GLRA3: variants seen among roughly 807,000 people sequenced by gnomAD.
The protein encoded by GLRA3 is glycine receptor subunit alpha-3.
GLRA3 carries 44 observed loss-of-function variants against 60.4 expected under a neutral mutation model. The ratio of observed to expected loss-of-function variants is 0.73; its 90% CI spans 0.57 to 0.94. The LOEUF (loss-of-function observed/expected upper bound fraction) is 0.94. Among genes scored for constraint, GLRA3 ranks in the 40% least tolerant of loss-of-function variants. GLRA3 has a pLI of 0.00. For synonymous variants in GLRA3, 223 were observed against 192.9 expected (o/e 1.16, Z -1.29); for missense variants, 508 against 564.6 (o/e 0.90, Z 1.02).
chr4:174,767,295 G>C (rs1356894520), intron 2 of GLRA3, among the ~76,000 whole-genome samples: 1 of 152,038 alleles, frequency 6.6e-6, no homozygotes, highest in Admixed American at 6.6e-5. Flanking sequence ...TAATGGCTCT[G>C]TAATGCCTGA....
chr4:174,746,339 TCAGCAA>T (rs1287713532), intron 3 of GLRA3, among the ~76,000 whole-genome samples: 4 of 152,134 alleles, frequency 2.6e-5, no homozygotes, highest in Non-Finnish European at 4.4e-5. Flanking sequence ...AATTTCATTC[TCAGCAA>T]CATGGAAAGA....
intron 1 of GLRA3, among the ~76,000 whole-genome samples, chr4:174,828,098 A>G (rs1220770078): frequency 1.3e-5 from 2 of 152,156 alleles, no homozygotes; most frequent in African/African-American, 4.8e-5. Flanking sequence ...TAAGAAAATG[A>G]CATGTCATAG....
intron 5 of GLRA3, among the ~76,000 whole-genome samples, chr4:174,710,864 T>C (rs111400599): frequency 5.9e-5 from 9 of 152,198 alleles, no homozygotes; most frequent in African/African-American, 1.4e-4. Flanking sequence ...TTAGGGGTTT[T>C]TGTGATTCTT....
rs1732697521 is a variant in GLRA3 at position 174,643,727 on chromosome 4, C to T, written c.*59G>A. On this transcript the variant is annotated 3_prime_UTR_variant, in exon 10 of 10. Transcript: ENST00000274093. ...ACACGCACACATATACACATACACA[C>T]CTATGGCAGAGACACTTTCTTCTGA... 6.4e-7 allele frequency: 1 copy of T among 1,573,084 alleles called. No individual in the cohort carries two copies. Among genetic ancestry groups the T allele is most frequent in the South Asian group, 1.2e-5 (1 of 83,446 alleles).
chr4:174,768,447 C>G (rs1164122262), intron 2 of GLRA3, among the ~76,000 whole-genome samples: 1 of 152,034 alleles, frequency 6.6e-6, no homozygotes, highest in Admixed American at 6.6e-5. Context: ...CTTATTAATG[C>G]CCGACTTAGT....
At chr4:174,735,939 G>A (rs946436635) in intron 3 of GLRA3, among the ~76,000 whole-genome samples, 2 of 152,076 alleles carry the variant, frequency 1.3e-5, no homozygotes, top group Non-Finnish European at 2.9e-5. Flanking sequence ...AACATATGAC[G>A]TGGCTCCTAA....
intron 1 of GLRA3, among the ~76,000 whole-genome samples, chr4:174,790,846 A>G (rs957408444): frequency 3.4e-4 from 50 of 145,068 alleles, no homozygotes; most frequent in Admixed American, 6.9e-5. Context: ...AAAAAAAAAA[A>G]GAAAGAAATT....
intron 3 of GLRA3, among the ~76,000 whole-genome samples, chr4:174,751,157 AT>A (rs1350820734): frequency 2.0e-5 from 3 of 151,770 alleles, no homozygotes; most frequent in Non-Finnish European, 4.4e-5. Context: ...ATCTATCTAC[AT>A]TTTTTAGTAA....
chr4:174,690,476 T>A (rs1195136248), intron 5 of GLRA3, among the ~76,000 whole-genome samples: 1 of 152,162 alleles, frequency 6.6e-6, no homozygotes, highest in African/African-American at 2.4e-5. Context: ...TTTTGTTGTG[T>A]AGTTTTTGTT....
chr4:174,653,521 G>T (rs1366358419), intron 9 of GLRA3, among the ~76,000 whole-genome samples: 1 of 151,862 alleles, frequency 6.6e-6, no homozygotes, highest in African/African-American at 2.4e-5. Context: ...AATTAGCCAA[G>T]TATACACTTG....
At chr4:174,728,130 T>C (rs1355652100) in intron 4 of GLRA3, among the ~76,000 whole-genome samples, 1 of 152,208 alleles carries the variant, frequency 6.6e-6, no homozygotes, top group Non-Finnish European at 1.5e-5. Context: ...AACCTGTAAA[T>C]ATTTAAAGAA....
chr4:174,817,845 G>C (rs1362609343), intron 1 of GLRA3, among the ~76,000 whole-genome samples: 3 of 152,054 alleles, frequency 2.0e-5, no homozygotes, highest in Non-Finnish European at 2.9e-5. Flanking sequence ...GACCTCTAAT[G>C]ATCCACCCAC....
intron 3 of GLRA3, among the ~76,000 whole-genome samples, chr4:174,762,266 T>C (rs1420663615): frequency 6.6e-6 from 1 of 152,152 alleles, no homozygotes; most frequent in East Asian, 1.9e-4. Context: ...TGGAAATTTC[T>C]TTCTTGCTTC....
chr4:174,675,422 A>G (rs1734079039), intron 7 of GLRA3, among the ~76,000 whole-genome samples: 1 of 151,994 alleles, frequency 6.6e-6, no homozygotes, highest in Non-Finnish European at 1.5e-5. Context: ...TGCTCCCCCA[A>G]TTCTACCTTA....
chr4:174,672,671 C>T (rs1733954877), intron 7 of GLRA3, among the ~76,000 whole-genome samples: 1 of 152,090 alleles, frequency 6.6e-6, no homozygotes, highest in African/African-American at 2.4e-5. Context: ...CAGCCAATCT[C>T]AGGGCAAGCG....
chr4:174,799,077 G>T (rs1014118582), intron 1 of GLRA3, among the ~76,000 whole-genome samples: 2 of 152,176 alleles, frequency 1.3e-5, no homozygotes, highest in African/African-American at 4.8e-5. Flanking sequence ...TCTACCTGCA[G>T]TTGAATAAGG....
rs1305844760 is a variant in GLRA3, at chr4:174,807,290, C to T, written c.72-18347G>A. Reference sequence around the variant, plus strand: ...TATGTAAATTTTTAAATAAAACATTCAAAAATAGTTCAAGAGTAAGCACAT... The same window carrying T: ...TATGTAAATTTTTAAATAAAACATTTAAAAATAGTTCAAGAGTAAGCACAT... On this transcript the variant is annotated intron_variant, in intron 1 of 9. Coordinates refer to ENST00000274093, the MANE Select transcript of GLRA3 (RefSeq NM_006529.4). Among the ~76,000 whole-genome samples, 4 of 152,012 alleles carry T rather than the reference C, an allele frequency of 2.6e-5. No individual in the cohort carries two copies. In the East Asian group the frequency reaches 7.7e-4, roughly 29 times the overall value.
At chr4:174,808,370 A>G (rs982800361) in intron 1 of GLRA3, among the ~76,000 whole-genome samples, 7 of 152,146 alleles carry the variant, frequency 4.6e-5, no homozygotes, top group Non-Finnish European at 1.0e-4. Flanking sequence ...GTAATATCAT[A>G]GGGCAATAGA....
At chr4:174,696,617 C>T (rs546685828) in intron 5 of GLRA3, among the ~76,000 whole-genome samples, 46 of 151,770 alleles carry the variant, frequency 3.0e-4, no homozygotes, top group Admixed American at 7.2e-4. Context: ...GAAAATACAA[C>T]AAAATACAAA....
Sources: allele counts gnomAD v4.1 joint callset (sites outside exome capture counted in the v4.1 genomes callset), GRCh38; gene constraint gnomAD v4.1.1; transcripts MANE v1.5; gene names NCBI Gene and HGNC (gene_info 2026-07-23, HGNC 2026-07-21).